The following LOXL2 variants were observed in gnomAD, a reference collection of about 807,000 sequenced individuals.
LOXL2 encodes lysyl oxidase homolog 2.
A neutral mutation model predicts 93.0 loss-of-function variants in LOXL2; 70 were observed. That is an observed-to-expected ratio of 0.75 (90% confidence interval 0.62 to 0.92). The LOEUF (loss-of-function observed/expected upper bound fraction) is 0.92. LOXL2 is among the 40% of genes least tolerant of loss of function. The pLI is 0.00. For missense variants in LOXL2, 973 were observed against 1,054.9 expected, an observed-to-expected ratio of 0.92 and a Z score of 1.08; for synonymous variants, 438 against 413.2, an observed-to-expected ratio of 1.06 and a Z score of -0.73.
chr8:23,336,894 G>T (rs967327001), intron 4 of LOXL2: 1 of 152,162 alleles, frequency 6.6e-6, no homozygotes, highest in African/African-American at 2.4e-5. Context: ...AAAGAATACA[G>T]TATAGATTTC....
intron 3 of LOXL2, chr8:23,341,438 T>C (rs1016609897): frequency 2.7e-5 from 15 of 565,056 alleles, no homozygotes; most frequent in Non-Finnish European, 4.8e-5. Context: ...GGGAGTGGGG[T>C]GACCTGGAAC....
At chr8:23,377,441 A>G (rs964012126) in intron 1 of LOXL2, among the ~76,000 whole-genome samples, 1 of 146,156 alleles carries the variant, frequency 6.8e-6, no homozygotes, top group Admixed American at 6.9e-5. Context: ...AGAGTTCTGT[A>G]GATGTCTATT....
chr8:23,313,237 A>C (rs1159877045), intron 9 of LOXL2, among the ~76,000 whole-genome samples: 2 of 152,158 alleles, frequency 1.3e-5, no homozygotes, highest in Non-Finnish European at 2.9e-5. Flanking sequence ...TAATTTACAG[A>C]TTCAATGCCA....
rs2294129 is a variant in LOXL2 at position 23,333,329 on chromosome 8, C to A, written c.966+72G>T. 11,750 of 1,387,040 alleles carry A rather than the reference C, an allele frequency of 8.5e-3. 980 individuals are homozygous for A. The East Asian group carries it at 0.2, about 24-fold the overall frequency. 85.9% of individuals were successfully genotyped at this position (1,387,040 alleles called of 1,614,324 possible). On this transcript the variant is annotated intron_variant, in intron 5 of 13. Coordinates refer to ENST00000389131, the MANE Select transcript of LOXL2 (RefSeq NM_002318.3). Reference sequence around the variant, plus strand: ...ACCCTTCCTCACTCTCCTGGGGGATCCTGCCTACTCCCTCAACACCCTCCC... The same window carrying A: ...ACCCTTCCTCACTCTCCTGGGGGATACTGCCTACTCCCTCAACACCCTCCC...
At chr8:23,359,160 G>A (rs1233242837) in intron 3 of LOXL2, among the ~76,000 whole-genome samples, 3 of 152,050 alleles carry the variant, frequency 2.0e-5, no homozygotes, top group Non-Finnish European at 2.9e-5. Flanking sequence ...CCCAGTACCT[G>A]CATTTTTAAA....
At chr8:23,342,699 G>T (rs1190635335) in intron 3 of LOXL2, among the ~76,000 whole-genome samples, 2 of 151,980 alleles carry the variant, frequency 1.3e-5, no homozygotes, top group Non-Finnish European at 2.9e-5. Flanking sequence ...ACAAAGTGCT[G>T]GGATTACAGG....
chr8:23,316,192 TATTA>T (rs758124597), intron 9 of LOXL2, among the ~76,000 whole-genome samples: 1 of 152,240 alleles, frequency 6.6e-6, no homozygotes, highest in Non-Finnish European at 1.5e-5. Flanking sequence ...CCCTTGCACA[TATTA>T]ATTGTCACAC....
chr8:23,366,732 T>G (rs1438040396), intron 2 of LOXL2, among the ~76,000 whole-genome samples: 4 of 152,216 alleles, frequency 2.6e-5, no homozygotes. Context: ...AGGTCTGGGC[T>G]GCAGCTCAGC....
rs538265591 is a variant in LOXL2 at position 23,328,609 on chromosome 8, G to A, written c.967-44C>T. On this transcript the variant is annotated intron_variant, in intron 5 of 13. Transcript: ENST00000389131. ...CTGCTGAGTACAGACGCTGATGCACGTTCAGCGGGTGACCACTGTCCCCGC... is the reference window on the plus strand; with the variant it reads ...CTGCTGAGTACAGACGCTGATGCACATTCAGCGGGTGACCACTGTCCCCGC... 3.7e-5 allele frequency: 58 copies of A among 1,571,250 alleles called. No homozygotes were observed. In the East Asian group the frequency reaches 6.3e-4, roughly 17 times the overall value.
At chr8:23,391,222 G>A (rs756046148) in intron 1 of LOXL2, among the ~76,000 whole-genome samples, 4 of 152,072 alleles carry the variant, frequency 2.6e-5, no homozygotes, top group Admixed American at 2.0e-4. Flanking sequence ...CATATTACCC[G>A]ATCCCTACAA....
intron 1 of LOXL2, among the ~76,000 whole-genome samples, chr8:23,378,853 C>T (rs1804631382): frequency 1.3e-5 from 2 of 152,234 alleles, no homozygotes; most frequent in African/African-American, 4.8e-5. Flanking sequence ...AATCTTTTTT[C>T]AAGGTTTTTA....
intron 11 of LOXL2, 64 bp downstream of exon 11, chr8:23,303,218 A>G: frequency 1.0e-6 from 1 of 995,574 alleles, no homozygotes; most frequent in Non-Finnish European, 1.6e-6. Context: ...CAGCCAGGTG[A>G]TCGTGGAGGC....
intron 9 of LOXL2, among the ~76,000 whole-genome samples, chr8:23,311,756 G>A (rs914298371): frequency 6.6e-6 from 1 of 152,150 alleles, no homozygotes; most frequent in Non-Finnish European, 1.5e-5. Flanking sequence ...GGCAGAGGTG[G>A]AACTACCCTA....
chr8:23,300,705 G>A (rs949462831), intron 12 of LOXL2, among the ~76,000 whole-genome samples: 1 of 152,208 alleles, frequency 6.6e-6, no homozygotes, highest in African/African-American at 2.4e-5. Context: ...TTGGGTGGCC[G>A]TGAAATGAGG....
At chr8:23,322,060 C>T in intron 7 of LOXL2, 70 bp downstream of exon 7, 1 of 1,550,288 alleles carries the variant, frequency 6.5e-7, no homozygotes, top group East Asian at 2.2e-5. Context: ...CCAGGGTTCA[C>T]CCCAGAGCTC....
chr8:23,307,953 GAAAAA>G lies in LOXL2; in HGVS notation c.1880+1710_1880+1714del, dbSNP rs1554475672. Among the ~76,000 whole-genome samples, 10 of 83,524 alleles carry G rather than the reference GAAAAA, an allele frequency of 1.2e-4. 1 individual carries two copies. The highest frequency in any genetic ancestry group is 4.7e-4 in the African/African-American group (10 of 21,092). 54.8% of individuals were successfully genotyped at this position (83,524 alleles called of 152,430 possible). ...GTGACTAGGTCATCAGCTGCGATAT[GAAAAA>G]AAAAAAAAAAAAAAAGCCAAAGATA... On this transcript the variant is annotated intron_variant, in intron 10 of 13. Transcript: ENST00000389131.
intron 9 of LOXL2, among the ~76,000 whole-genome samples, chr8:23,310,532 T>G (rs1247070744): frequency 6.6e-6 from 1 of 152,272 alleles, no homozygotes. Flanking sequence ...AATTCCTAGC[T>G]CTAGCTCATA....
intron 1 of LOXL2, among the ~76,000 whole-genome samples, chr8:23,400,408 C>G (rs576723174): frequency 6.6e-6 from 1 of 151,870 alleles, no homozygotes; most frequent in Non-Finnish European, 1.5e-5. Context: ...CCATATCTCA[C>G]GAGATTTACT....
Position 23,360,227 on chromosome 8 carries a change from C to T in LOXL2, c.394G>A (p.Glu132Lys), listed in dbSNP as rs540263053. 15 of 1,613,796 alleles carry T rather than the reference C, an allele frequency of 9.3e-6. No homozygotes were observed. Among genetic ancestry groups the T allele is most frequent in the African/African-American group, 5.3e-5 (4 of 75,010 alleles). ...WLDNLHCTGN[E>K]ATLAACTSNG... is the part of the protein sequence containing the mutation. The stretch of plus-strand genomic sequence containing the variant: ...GAGGTGCATGCTGCAAGGGTCGCCT[C>T]GTTGCCAGTACAGTGGAGATTGTCT... The change falls in exon 3 of 14, where the codon GAG becomes AAG. Residue 132 changes from glutamate (E) to lysine (K), a missense_variant. Glu to Lys is a moderately conservative substitution (Grantham distance 56, BLOSUM62 1). Coordinates refer to ENST00000389131, the MANE Select transcript of LOXL2 (RefSeq NM_002318.3).
Sources: allele counts gnomAD v4.1 joint callset (sites outside exome capture counted in the v4.1 genomes callset), GRCh38; gene constraint gnomAD v4.1.1; transcripts MANE v1.5; gene names NCBI Gene and HGNC (gene_info 2026-07-23, HGNC 2026-07-21).